The following ABHD18 variants were observed in gnomAD, a reference collection of about 807,000 sequenced individuals.
ABHD18 encodes cardiolipin-specific deacylase, mitochondrial.
Under a neutral mutation model 65.9 loss-of-function variants are expected in ABHD18, and 55 were observed. That is an observed-to-expected ratio of 0.84 (90% CI 0.67 to 1.05). The LOEUF is 1.05. Among genes scored for constraint, ABHD18 ranks in the 50% least tolerant of loss-of-function variants. The pLI, the probability that ABHD18 is intolerant of heterozygous loss-of-function variation, is 0.00. For synonymous variants in ABHD18, 181 were observed against 180.2 expected (o/e 1.00, Z -0.04); for missense variants, 533 against 558.5 (o/e 0.95, Z 0.46).
intron 7 of ABHD18, among the ~76,000 whole-genome samples, chr4:128,015,284 C>T (rs1755294465): frequency 6.6e-6 from 1 of 152,058 alleles, no homozygotes; most frequent in African/African-American, 2.4e-5. Context: ...ATTTAAATCA[C>T]AGATACTTCT....
At chr4:128,001,909 T>G in intron 4 of ABHD18, 1 of 990,020 alleles carries the variant, frequency 1.0e-6, no homozygotes, top group Non-Finnish European at 1.4e-6. Context: ...AAAAAACAGA[T>G]AAATTTTCAT....
At chr4:127,986,794 G>A (rs1750038371) in intron 3 of ABHD18, among the ~76,000 whole-genome samples, 1 of 152,182 alleles carries the variant, frequency 6.6e-6, no homozygotes, top group Non-Finnish European at 1.5e-5. Flanking sequence ...TAATGACTGT[G>A]AGGCTGAACA....
At chr4:128,029,132 G>T (rs531935406) in intron 11 of ABHD18, among the ~76,000 whole-genome samples, 3 of 151,554 alleles carry the variant, frequency 2.0e-5, no homozygotes, top group African/African-American at 7.3e-5. Context: ...CAGGTGGATT[G>T]CTTGAGCCCA....
intron 4 of ABHD18, among the ~76,000 whole-genome samples, chr4:128,007,839 TAATG>T (rs1275602701): frequency 2.6e-5 from 4 of 152,140 alleles, no homozygotes; most frequent in African/African-American, 9.7e-5. Context: ...ATCAACATCT[TAATG>T]AATCAGATTC....
chr4:128,030,004 G>A (rs1757978301), intron 11 of ABHD18, among the ~76,000 whole-genome samples: 1 of 151,784 alleles, frequency 6.6e-6, no homozygotes, highest in South Asian at 2.1e-4. Flanking sequence ...GAAAAACACT[G>A]GATTGCTGAG....
chr4:128,002,061 G>A (rs1034635672), intron 4 of ABHD18, among the ~76,000 whole-genome samples: 16 of 152,128 alleles, frequency 1.1e-4, no homozygotes, highest in Middle Eastern at 6.8e-3. Context: ...GATTGCCTGA[G>A]GTCAGGAGTT....
chr4:127,989,782 A>G lies in ABHD18; in HGVS notation c.239A>G (p.Tyr80Cys). ...DGHFVSPMAH[Y>C]VPDIMPIESV... Reference sequence around the variant, plus strand: ...CACTTTGTTTCCCCCATGGCTCACTATGTGCCTGATATCATGCCAATTGAA... The same window carrying G: ...CACTTTGTTTCCCCCATGGCTCACTGTGTGCCTGATATCATGCCAATTGAA... Residue 80 changes from tyrosine (Y) to cysteine (C), a missense_variant, in exon 4 of 13, where the codon TAT becomes TGT. Tyr to Cys is a radical substitution (Grantham distance 194). Around this residue, in one of 3 missense-constraint regions of ABHD18, gnomAD observed 309 missense variants for 313.5 expected, o/e 0.99. Transcript: ENST00000645843. 6.2e-7 allele frequency: 1 copy of G among 1,601,790 alleles called. No individual in the cohort carries two copies. Among genetic ancestry groups the G allele is most frequent in the Non-Finnish European group, 8.5e-7 (1 of 1,174,006 alleles).
At chr4:128,011,497 A>T (rs1409461807) in intron 6 of ABHD18, among the ~76,000 whole-genome samples, 176 bp from the exon 7 acceptor site, 10 of 149,236 alleles carry the variant, frequency 6.7e-5, no homozygotes, top group African/African-American at 2.2e-4. Flanking sequence ...TTTTTTTTTA[A>T]AAAAAAGGAA....
chr4:127,983,240 A>C (rs1344517994), intron 2 of ABHD18, among the ~76,000 whole-genome samples, 193 bp downstream of exon 2: 1 of 152,228 alleles, frequency 6.6e-6, no homozygotes, highest in Non-Finnish European at 1.5e-5. Context: ...CATATCATAA[A>C]TGATACTGTT....
In ABHD18 at chr4:127,998,866, A is replaced by G. The variant is rs1479322733; in HGVS notation, c.278+9045A>G. On this transcript the variant is annotated intron_variant, in intron 4 of 12. Coordinates refer to ENST00000645843, the MANE Select transcript of ABHD18 (RefSeq NM_001358451.3). ...GTAGCTTGTCTTTAACTCTGCCACT[A>G]TGGTACTTTACGTACTTAGGAACTT... is the stretch of plus-strand genomic sequence containing the variant. Among the ~76,000 whole-genome samples the G allele has an allele frequency of 3.3e-5, 5 of 152,260 alleles. No individual in the cohort carries two copies. In the East Asian group the frequency reaches 5.8e-4, roughly 18 times the overall value.
chr4:127,977,601 T>G (rs79793253), intron 1 of ABHD18, among the ~76,000 whole-genome samples: 4,442 of 152,286 alleles, frequency 0.029, 201 homozygotes, highest in African/African-American at 0.1. Flanking sequence ...TCTTTATGAT[T>G]TTTCATCTTG....
At chr4:127,999,350 A>T (rs1042860626) in intron 4 of ABHD18, among the ~76,000 whole-genome samples, 3 of 152,196 alleles carry the variant, frequency 2.0e-5, no homozygotes, top group East Asian at 3.8e-4. Context: ...GCTTAAAATG[A>T]AAGAGGCTCC....
chr4:127,997,422 AG>A (rs1447205001), intron 4 of ABHD18, among the ~76,000 whole-genome samples: 1 of 152,204 alleles, frequency 6.6e-6, no homozygotes, highest in Non-Finnish European at 1.5e-5. Flanking sequence ...TATTTTAAAA[AG>A]GAAAAAAAGT....
intron 1 of ABHD18, among the ~76,000 whole-genome samples, chr4:127,982,095 C>CA (rs1425489261): frequency 2.0e-5 from 3 of 151,810 alleles, no homozygotes; most frequent in Non-Finnish European, 4.4e-5. Flanking sequence ...GGGATGGTTT[C>CA]AAAAAAATCT....
chr4:127,989,512 G>A (rs748891473), intron 3 of ABHD18, among the ~76,000 whole-genome samples: 3 of 152,102 alleles, frequency 2.0e-5, no homozygotes, highest in African/African-American at 4.8e-5. Context: ...TCGTATGCCT[G>A]TATCAAAACA....
intron 3 of ABHD18, among the ~76,000 whole-genome samples, chr4:127,988,563 C>G (rs982095369): frequency 4.6e-5 from 7 of 151,890 alleles, no homozygotes; most frequent in Admixed American, 3.3e-4. Context: ...GTTTTTAATT[C>G]AAATCAGAAA....
Position 128,017,520 on chromosome 4 carries a change from G to A in ABHD18, c.609+19G>A. On this transcript the variant is annotated intron_variant, in intron 8 of 12. Coordinates refer to ENST00000645843, the MANE Select transcript of ABHD18 (RefSeq NM_001358451.3). ...AGGACACGTAAGCCTTTTTATTTCT[G>A]CTTACATTTAATTATGTTTATGTTT... 7.6e-6 allele frequency: 12 copies of A among 1,575,594 alleles called. No homozygotes were observed. Among genetic ancestry groups the A allele is most frequent in the Non-Finnish European group, 1.0e-5 (12 of 1,166,018 alleles).
At chr4:128,013,604 A>G (rs1442462402) in intron 7 of ABHD18, among the ~76,000 whole-genome samples, 1 of 152,058 alleles carries the variant, frequency 6.6e-6, no homozygotes, top group African/African-American at 2.4e-5. Flanking sequence ...AGGCTGAGGC[A>G]GGAGAATGGC....
chr4:128,021,193 G>A lies in ABHD18; in HGVS notation c.756G>A (p.Gln252=), dbSNP rs1240642253. ...AGCTGGAAAAGCAATATTATACCCAGACAGTTTATGAAGAAGAAATTATTC... is the reference window on the plus strand; with the variant it reads ...AGCTGGAAAAGCAATATTATACCCAAACAGTTTATGAAGAAGAAATTATTC... The part of the protein sequence containing the change: ...WRELEKQYYT[Q]TVYEEEIIHM... The change falls in exon 10 of 13, where the codon CAG becomes CAA. Residue 252 remains glutamine, a synonymous_variant. Transcript: ENST00000645843. 4 of 1,548,542 alleles carry A rather than the reference G, an allele frequency of 2.6e-6. No homozygotes were observed. Among genetic ancestry groups the A allele is most frequent in the African/African-American group, 1.4e-5 (1 of 73,004 alleles).
Sources: gnomAD v4.1 joint callset for allele counts (sites outside exome capture counted in the v4.1 genomes callset) on GRCh38, gnomAD v4.1.1 for gene constraint, gnomAD v4.1.1 regional missense constraint, MANE v1.5 for transcripts, NCBI Gene and HGNC (gene_info 2026-07-23, HGNC 2026-07-21) for gene names.